The following CFAP58 variants were observed in gnomAD, a reference collection of about 807,000 sequenced individuals.
CFAP58 encodes the protein cilia- and flagella-associated protein 58.
CFAP58 carries 88 observed loss-of-function variants against 119.5 expected under a neutral mutation model. The ratio of observed to expected loss-of-function variants is 0.74; its 90% CI spans 0.62 to 0.88. The LOEUF is 0.88. Ranked by LOEUF, CFAP58 falls within the 40% of genes least tolerant of loss-of-function variation. The pLI, the probability that CFAP58 is intolerant of heterozygous loss-of-function variation, is 0.00. For synonymous variants in CFAP58, 365 were observed against 366.3 expected (o/e 1.00, Z 0.04); for missense variants, 990 against 1,021.2 (o/e 0.97, Z 0.42).
intron 9 of CFAP58, among the ~76,000 whole-genome samples, chr10:104,384,391 C>T (rs1349643746): frequency 6.6e-6 from 1 of 152,182 alleles, no homozygotes; most frequent in African/African-American, 2.4e-5. Flanking sequence ...AAAGGTAAAC[C>T]CCTTCACCTT....
At chr10:104,444,095 T>C (rs1027433162) in intron 15 of CFAP58, among the ~76,000 whole-genome samples, 1 of 152,218 alleles carries the variant, frequency 6.6e-6, no homozygotes, top group Admixed American at 6.5e-5. Flanking sequence ...TTGGTATTAG[T>C]AGTTGAGCTT....
At position 104,365,951 on chromosome 10, in the gene CFAP58, T is replaced by A; in HGVS notation, c.735T>A (p.Tyr245Ter). 3 of 1,612,076 alleles carry A rather than the reference T, an allele frequency of 1.9e-6. No individual in the cohort carries two copies. The highest frequency in any genetic ancestry group is 1.1e-5 in the South Asian group (1 of 90,820). The part of the protein sequence containing the change: ...RQTEIKALQQ[Y>*]VQKSKEELQK... ...CAGAAATAAAAGCCCTGCAGCAGTA[T>A]GTGCAGAAGAGCAAGGAGGAGCTTC... The change falls in exon 5 of 18, where the codon TAT becomes TAA. Residue 245 changes from tyrosine to a stop codon, truncating the protein, a stop_gained. Transcript: ENST00000369704. LOFTEE classifies it high-confidence loss of function.
At chr10:104,354,455 C>T (rs2014513607) in intron 1 of CFAP58, among the ~76,000 whole-genome samples, 1 of 152,106 alleles carries the variant, frequency 6.6e-6, no homozygotes, top group African/African-American at 2.4e-5. Context: ...CGTATCACCC[C>T]ACCACTCCCC....
Position 104,392,285 on chromosome 10 carries a change from A to G in CFAP58, c.1418A>G (p.Tyr473Cys), listed in dbSNP as rs1238277626. The change falls in exon 10 of 18, where the codon TAC becomes TGC. Residue 473 changes from tyrosine (Y) to cysteine (C), a missense_variant. Coordinates refer to ENST00000369704, the MANE Select transcript of CFAP58 (RefSeq NM_001008723.2). ...GTTCGTGAAACACAGATTTTTGACT[A>G]CAGGAAAAAAATAGCTGAATCAGAG... ...IKVRETQIFD[Y>C]RKKIAESEIK... 5 of 1,612,892 alleles carry G rather than the reference A, an allele frequency of 3.1e-6. No homozygotes were observed. The highest frequency in any genetic ancestry group is 2.2e-5 in the East Asian group (1 of 44,834).
intron 15 of CFAP58, among the ~76,000 whole-genome samples, chr10:104,434,721 T>C (rs77136627): frequency 0.025 from 3,811 of 152,338 alleles, 125 homozygotes; most frequent in African/African-American, 0.069. Context: ...CTCAGTGGAC[T>C]TTTCTTTTCA....
chr10:104,441,095 C>T (rs1194160718), intron 15 of CFAP58, among the ~76,000 whole-genome samples: 2 of 152,204 alleles, frequency 1.3e-5, no homozygotes, highest in Non-Finnish European at 2.9e-5. Context: ...CTCTGCCTCC[C>T]AGGTTCAAGT....
intron 11 of CFAP58, among the ~76,000 whole-genome samples, chr10:104,396,876 T>C (rs2012173418): frequency 3.3e-5 from 5 of 152,214 alleles, no homozygotes; most frequent in Non-Finnish European, 1.5e-5. Flanking sequence ...AGACCCAAGG[T>C]ATTTTGTTGA....
chr10:104,439,576 G>C (rs11192056), intron 15 of CFAP58, among the ~76,000 whole-genome samples: 31,804 of 151,978 alleles, frequency 0.21, 3,571 homozygotes, highest in Non-Finnish European at 0.26. Flanking sequence ...AAATTGGACA[G>C]CATTTTATTT....
At chr10:104,378,913 TAAAA>T (rs35459140) in intron 8 of CFAP58, among the ~76,000 whole-genome samples, 2 of 140,404 alleles carry the variant, frequency 1.4e-5, no homozygotes, top group Non-Finnish European at 1.6e-5. Context: ...CAGTGCAGCT[TAAAA>T]AAAAAAAAAA....
intron 15 of CFAP58, among the ~76,000 whole-genome samples, chr10:104,407,795 CAAGT>C (rs2012389327): frequency 6.6e-6 from 1 of 152,288 alleles, no homozygotes; most frequent in Non-Finnish European, 1.5e-5. Flanking sequence ...CTCCCAGGTT[CAAGT>C]GATTCTCCTG....
chr10:104,415,781 G>A (rs988286586), intron 15 of CFAP58, among the ~76,000 whole-genome samples: 17 of 152,116 alleles, frequency 1.1e-4, no homozygotes, highest in African/African-American at 3.9e-4. Context: ...GAAAAGGAGG[G>A]GCATTTTCCC....
chr10:104,451,465 A>G (rs2013194376), intron 17 of CFAP58, among the ~76,000 whole-genome samples: 1 of 152,204 alleles, frequency 6.6e-6, no homozygotes, highest in Admixed American at 6.5e-5. Flanking sequence ...TATTAAACAT[A>G]CAGGTTCCCA....
intron 15 of CFAP58, among the ~76,000 whole-genome samples, chr10:104,426,468 C>A (rs761001635): frequency 6.6e-6 from 1 of 151,974 alleles, no homozygotes; most frequent in Admixed American, 6.6e-5. Flanking sequence ...CCTCCCCACT[C>A]CCCCCAGCTA....
In CFAP58 at chr10:104,393,307, A is replaced by G. The variant is rs2012087784; in HGVS notation, c.1528-22A>G. 2.5e-6 allele frequency: 4 copies of G among 1,602,280 alleles called. No homozygotes were observed. The East Asian group carries it at 6.7e-5, about 27-fold the overall frequency. The stretch of plus-strand genomic sequence containing the variant: ...GATGATGTCTAATTCACTTTCAAAC[A>G]TTTCTCCTTTCATTTGGTTAGGATG... On this transcript the variant is annotated intron_variant, in intron 10 of 17. Transcript: ENST00000369704.
intron 9 of CFAP58, chr10:104,382,283 C>T (rs959941344): frequency 1.4e-6 from 1 of 698,450 alleles, no homozygotes; most frequent in Non-Finnish European, 2.7e-6. Flanking sequence ...TGCCGGACAT[C>T]CTGGGCAGGA....
At chr10:104,436,955 T>A (rs1332232785) in intron 15 of CFAP58, among the ~76,000 whole-genome samples, 1 of 152,236 alleles carries the variant, frequency 6.6e-6, no homozygotes, top group Non-Finnish European at 1.5e-5. Context: ...TATTGTTCTC[T>A]TCTCTTACTC....
intron 9 of CFAP58, among the ~76,000 whole-genome samples, chr10:104,383,566 A>G (rs1174051139): frequency 3.3e-5 from 5 of 152,154 alleles, no homozygotes; most frequent in Non-Finnish European, 7.3e-5. Context: ...AACCACACAT[A>G]ATGTCTTACC....
intron 8 of CFAP58, among the ~76,000 whole-genome samples, 173 bp from the exon 9 acceptor site, chr10:104,379,856 C>A (rs1209073304): frequency 1.3e-5 from 2 of 152,100 alleles, no homozygotes; most frequent in Admixed American, 6.6e-5. Context: ...GTTTAAAGTG[C>A]CTTGTGCAAA....
intron 1 of CFAP58, among the ~76,000 whole-genome samples, chr10:104,357,888 TAAACATATATGTACACATATAC>T (rs1564875791): frequency 0.071 from 9,080 of 127,122 alleles, 909 homozygotes; most frequent in African/African-American, 0.16. Flanking sequence ...TACACATATA[TAAACATATATGTACACATATAC>T]ACACATATAT....
Sources: allele counts gnomAD v4.1 joint callset (sites outside exome capture counted in the v4.1 genomes callset), GRCh38; gene constraint gnomAD v4.1.1; transcripts MANE v1.5; gene names NCBI Gene and HGNC (gene_info 2026-07-23, HGNC 2026-07-21).